DENND1A: variants seen among roughly 807,000 people sequenced by gnomAD.
DENND1A encodes DENN domain containing 1A.
A neutral mutation model predicts 113.7 loss-of-function variants in DENND1A; 51 were observed. The ratio of observed to expected loss-of-function variants is 0.45; its 90% CI spans 0.36 to 0.57. The LOEUF is 0.57. DENND1A is among the 20% of genes least tolerant of loss of function. The probability of loss-of-function intolerance (pLI) is 0.00; values close to 1 mark genes in which losing one functional copy is unlikely to be tolerated. For missense variants in DENND1A, 1,258 were observed against 1,395.9 expected (o/e 0.90, Z 1.57); for synonymous variants, 565 against 570.8 (o/e 0.99, Z 0.14).
intron 1 of DENND1A, among the ~76,000 whole-genome samples, chr9:123,888,628 G>A (rs1849448325): frequency 6.6e-6 from 1 of 152,180 alleles, no homozygotes; most frequent in African/African-American, 2.4e-5. Flanking sequence ...CAAGTGGAAG[G>A]ACCTTCTAGA....
At chr9:123,848,249 A>AC (rs1842891732) in intron 2 of DENND1A, among the ~76,000 whole-genome samples, 1 of 150,488 alleles carries the variant, frequency 6.6e-6, no homozygotes, top group African/African-American at 2.4e-5. Flanking sequence ...AAAAAAAAAA[A>AC]AAAAAAAACA....
chr9:123,490,224 C>A (rs1016760613), intron 13 of DENND1A, among the ~76,000 whole-genome samples: 2 of 152,126 alleles, frequency 1.3e-5, no homozygotes, highest in African/African-American at 4.8e-5. Context: ...AAGAATAATG[C>A]GACCCACTAC....
intron 5 of DENND1A, among the ~76,000 whole-genome samples, chr9:123,677,260 C>T (rs2064140092): frequency 6.6e-6 from 1 of 152,180 alleles, no homozygotes; most frequent in Admixed American, 6.5e-5. Flanking sequence ...ATCCATGTTG[C>T]TGCAACAGAC....
intron 13 of DENND1A, among the ~76,000 whole-genome samples, chr9:123,481,637 T>C (rs1216186775): frequency 1.3e-5 from 2 of 152,154 alleles, no homozygotes; most frequent in Admixed American, 1.3e-4. Context: ...GTAGGCATCA[T>C]TGCCCCTGCT....
rs1211082238 is a variant in DENND1A at position 123,674,335 on chromosome 9, C to CTG, written c.372+2384_372+2385insCA. On this transcript the variant is annotated intron_variant, in intron 6 of 23. Coordinates refer to ENST00000394215, the MANE Select transcript of DENND1A (RefSeq NM_001352964.2). ...ACAATCTCTCTGTCTCTGTCTCTGTCTCTCTCTCACACACACACACACACA... is the reference window on the plus strand; with the variant it reads ...ACAATCTCTCTGTCTCTGTCTCTGTCTGTCTCTCTCACACACACACACACACA... 3.8e-3 allele frequency among the ~76,000 whole-genome samples: 472 copies of CTG among 125,270 alleles called. 3 individuals carry two copies. The highest frequency in any genetic ancestry group is 5.2e-3 in the Non-Finnish European group (312 of 60,554). The allele number at this position is 125,270 out of a possible 152,430, so 82.2% of individuals were successfully genotyped here.
chr9:123,711,931 C>G (rs1298127673), intron 5 of DENND1A, among the ~76,000 whole-genome samples: 2 of 152,196 alleles, frequency 1.3e-5, no homozygotes, highest in African/African-American at 2.4e-5. Flanking sequence ...TTATCCAGCT[C>G]AGTTCTATGG....
chr9:123,527,321 T>A (rs1373164315), intron 13 of DENND1A, among the ~76,000 whole-genome samples: 3 of 152,210 alleles, frequency 2.0e-5, no homozygotes, highest in Non-Finnish European at 4.4e-5. Context: ...CCTTAAAAAA[T>A]TCCTGTGTAT....
chr9:123,620,446 G>T (rs2060900924), intron 10 of DENND1A, among the ~76,000 whole-genome samples: 1 of 151,810 alleles, frequency 6.6e-6, no homozygotes, highest in Non-Finnish European at 1.5e-5. Flanking sequence ...TATCTCCCTG[G>T]CAATGACTTA....
At chr9:123,848,246 A>AC (rs1842888928) in intron 2 of DENND1A, among the ~76,000 whole-genome samples, 2 of 151,070 alleles carry the variant, frequency 1.3e-5, no homozygotes, top group African/African-American at 4.9e-5. Flanking sequence ...AAAAAAAAAA[A>AC]AAAAAAAAAA....
In DENND1A at chr9:123,395,693, G is replaced by T. The variant is rs139909885; in HGVS notation, c.1631+7709C>A. Among the ~76,000 whole-genome samples the T allele has an allele frequency of 2.2e-4, 34 of 152,260 alleles. No homozygotes were observed. The East Asian group carries it at 6.6e-3, about 29-fold the overall frequency. On this transcript the variant is annotated intron_variant, in intron 21 of 23. Transcript: ENST00000394215. ...GGCATCTTGGAGACTTGCTCCTGGG[G>T]CTGAGCACAGTTCCTGGCTCTTAGA...
chr9:123,554,216 A>C (rs528494957), intron 13 of DENND1A, among the ~76,000 whole-genome samples: 1 of 152,126 alleles, frequency 6.6e-6, no homozygotes, highest in Admixed American at 6.5e-5. Context: ...TCATTATTTT[A>C]AACTAATCCG....
At chr9:123,482,201 G>A (rs1028639850) in intron 13 of DENND1A, among the ~76,000 whole-genome samples, 4 of 152,204 alleles carry the variant, frequency 2.6e-5, no homozygotes, top group Non-Finnish European at 4.4e-5. Context: ...AGGTTCAAGT[G>A]ATTCTTGTGC....
intron 2 of DENND1A, among the ~76,000 whole-genome samples, chr9:123,853,210 G>A (rs947137176): frequency 6.6e-6 from 1 of 151,226 alleles, no homozygotes; most frequent in Non-Finnish European, 1.5e-5. Flanking sequence ...GAGCCACCAC[G>A]CCCAGCCTTT....
At chr9:123,605,026 G>C (rs187915275) in intron 11 of DENND1A, among the ~76,000 whole-genome samples, 1 of 152,128 alleles carries the variant, frequency 6.6e-6, no homozygotes, top group African/African-American at 2.4e-5. Context: ...CAGTTTACAG[G>C]TGAGAAAATA....
chr9:123,403,946 T>C (rs964139537), intron 20 of DENND1A, among the ~76,000 whole-genome samples: 2 of 152,224 alleles, frequency 1.3e-5, no homozygotes, highest in African/African-American at 4.8e-5. Context: ...TTGCTCTTTT[T>C]ACAACAGAAT....
chr9:123,414,186 C>T, intron 19 of DENND1A: 1 of 1,049,518 alleles, frequency 9.5e-7, no homozygotes, highest in Non-Finnish European at 1.2e-6. Flanking sequence ...TTGACCATTC[C>T]AAGCCTTACT....
intron 2 of DENND1A, among the ~76,000 whole-genome samples, chr9:123,859,049 A>C (rs1011477820): frequency 6.6e-6 from 1 of 152,228 alleles, no homozygotes; most frequent in Non-Finnish European, 1.5e-5. Flanking sequence ...CCAATCCAGG[A>C]AGAATGCATA....
At chr9:123,660,536 T>C (rs1028482206) in intron 8 of DENND1A, among the ~76,000 whole-genome samples, 2 of 151,876 alleles carry the variant, frequency 1.3e-5, no homozygotes, top group Non-Finnish European at 2.9e-5. Flanking sequence ...TAAAATGAAG[T>C]TCTTAAGAAA....
At chr9:123,758,758 T>A (rs190037962) in intron 4 of DENND1A, among the ~76,000 whole-genome samples, 3 of 152,326 alleles carry the variant, frequency 2.0e-5, no homozygotes, top group East Asian at 1.9e-4. Context: ...TATCTATTTT[T>A]AAAAATTTTA....
Sources: allele counts gnomAD v4.1 joint callset (sites outside exome capture counted in the v4.1 genomes callset), GRCh38; gene constraint gnomAD v4.1.1; transcripts MANE v1.5; gene names NCBI Gene and HGNC (gene_info 2026-07-23, HGNC 2026-07-21).